Variants in KCNIP4 observed in about 807,000 individuals in gnomAD.
KCNIP4 encodes the protein Kv channel-interacting protein 4.
In KCNIP4, 12 loss-of-function variants were observed where a neutral mutation model predicts 34.0. The observed-to-expected ratio is 0.35, with a 90% CI of 0.23 to 0.57. The LOEUF (loss-of-function observed/expected upper bound fraction) is 0.57. Among genes scored for constraint, KCNIP4 ranks in the 20% least tolerant of loss-of-function variants. The pLI is 0.83. For missense variants in KCNIP4, 238 were observed against 311.7 expected (o/e 0.76, Z 1.78); for synonymous variants, 124 against 102.2 (o/e 1.21, Z -1.29).
intron 1 of KCNIP4, among the ~76,000 whole-genome samples, chr4:21,462,730 T>C (rs931260788): frequency 7.3e-6 from 1 of 136,826 alleles, no homozygotes; most frequent in Admixed American, 7.3e-5. Context: ...ACAAATGATA[T>C]AGGATTTTAT....
intron 1 of KCNIP4, among the ~76,000 whole-genome samples, chr4:21,172,956 C>T (rs1754121955): frequency 6.6e-6 from 1 of 152,128 alleles, no homozygotes; most frequent in Non-Finnish European, 1.5e-5. Flanking sequence ...CAACCTCATC[C>T]CCAGGACTGC....
At chr4:21,834,720 G>C (rs1723210875) in intron 1 of KCNIP4, among the ~76,000 whole-genome samples, 1 of 151,648 alleles carries the variant, frequency 6.6e-6, no homozygotes, top group Non-Finnish European at 1.5e-5. Flanking sequence ...TATGATATTG[G>C]CTGTGGGTTT....
At chr4:21,290,656 C>T (rs532452135) in intron 1 of KCNIP4, among the ~76,000 whole-genome samples, 1 of 152,250 alleles carries the variant, frequency 6.6e-6, no homozygotes, top group Non-Finnish European at 1.5e-5. Context: ...GCAAATGAAA[C>T]AAGGCTCTTG....
intron 1 of KCNIP4, among the ~76,000 whole-genome samples, chr4:21,262,980 T>C (rs1200457625): frequency 6.6e-6 from 1 of 152,178 alleles, no homozygotes; most frequent in East Asian, 1.9e-4. Flanking sequence ...TAAGAGTGAA[T>C]GAATAAATAA....
intron 1 of KCNIP4, chr4:20,916,414 C>T: frequency 1.2e-6 from 1 of 857,428 alleles, no homozygotes; most frequent in Non-Finnish European, 1.4e-6. Flanking sequence ...TAGCTTTATG[C>T]ACTAATAGAA....
At chr4:20,859,506 CTG>C (rs1721966076) in intron 2 of KCNIP4, among the ~76,000 whole-genome samples, 1 of 152,178 alleles carries the variant, frequency 6.6e-6, no homozygotes, top group African/African-American at 2.4e-5. Flanking sequence ...AGCTTCCTGG[CTG>C]TGTCTTTTTG....
At chr4:21,395,053 AACAC>A (rs1282535633) in intron 1 of KCNIP4, among the ~76,000 whole-genome samples, 1 of 152,178 alleles carries the variant, frequency 6.6e-6, no homozygotes, top group Non-Finnish European at 1.5e-5. Context: ...TAGAAAACTT[AACAC>A]GTGTGGGGAC....
intron 1 of KCNIP4, among the ~76,000 whole-genome samples, chr4:21,036,188 T>C (rs1376749566): frequency 6.6e-6 from 1 of 152,240 alleles, no homozygotes; most frequent in East Asian, 1.9e-4. Flanking sequence ...ACATATACTG[T>C]ATTACATATG....
chr4:21,238,011 C>T (rs1286163167), intron 1 of KCNIP4, among the ~76,000 whole-genome samples: 5 of 152,128 alleles, frequency 3.3e-5, no homozygotes, highest in African/African-American at 1.2e-4. Context: ...TCCAGCAGCA[C>T]ATCAAAAAGC....
chr4:21,496,932 G>C (rs1443441176), intron 1 of KCNIP4, among the ~76,000 whole-genome samples: 2 of 152,124 alleles, frequency 1.3e-5, no homozygotes, highest in African/African-American at 2.4e-5. Flanking sequence ...CACGAAACTG[G>C]TCCCTAGTGC....
chr4:21,337,537 T>C (rs1161777071), intron 1 of KCNIP4, among the ~76,000 whole-genome samples: 1 of 152,180 alleles, frequency 6.6e-6, no homozygotes, highest in African/African-American at 2.4e-5. Context: ...AAAGATTCAT[T>C]ATTTTATAGT....
chr4:20,947,139 G>A (rs1369868183), intron 1 of KCNIP4, among the ~76,000 whole-genome samples: 1 of 151,944 alleles, frequency 6.6e-6, no homozygotes, highest in Non-Finnish European at 1.5e-5. Flanking sequence ...ACGTGACTTT[G>A]CCTGATATTC....
chr4:21,527,050 G>T (rs1191389687), intron 1 of KCNIP4, among the ~76,000 whole-genome samples: 4 of 152,138 alleles, frequency 2.6e-5, no homozygotes, highest in African/African-American at 9.7e-5. Flanking sequence ...TAAGAGGAAA[G>T]AATTTGGCTT....
intron 1 of KCNIP4, among the ~76,000 whole-genome samples, chr4:21,790,604 G>GAA (rs34307723): frequency 0.1 from 15,273 of 150,048 alleles, 2,617 homozygotes; most frequent in African/African-American, 0.35. Flanking sequence ...AACACATTAA[G>GAA]AAAAAAAAAG....
At chr4:20,980,709 T>C (rs1735981561) in intron 1 of KCNIP4, among the ~76,000 whole-genome samples, 1 of 152,064 alleles carries the variant, frequency 6.6e-6, no homozygotes, top group Non-Finnish European at 1.5e-5. Flanking sequence ...ATGGTACCAT[T>C]GAGGTATCAC....
intron 1 of KCNIP4, among the ~76,000 whole-genome samples, chr4:21,505,904 G>A (rs575528617): frequency 5.3e-5 from 8 of 151,996 alleles, no homozygotes; most frequent in Non-Finnish European, 1.2e-4. Flanking sequence ...GGAGTTCAAG[G>A]CCAGCCTGGC....
chr4:21,548,114 T>G lies in KCNIP4; in HGVS notation c.61+400457A>C, dbSNP rs150897322. Among the ~76,000 whole-genome samples the G allele has an allele frequency of 1.4e-4, 22 of 152,220 alleles. No individual in the cohort carries two copies. In the East Asian group the frequency reaches 4.2e-3, roughly 29 times the overall value. On this transcript the variant is annotated intron_variant, in intron 1 of 8. Transcript: ENST00000382152. ...TATTGTTAATGCAGTGAAAACATAA[T>G]ATGTTCAGGGTAACCAAGGAGCACA...
chr4:21,110,971 G>A (rs1749114044), intron 1 of KCNIP4, among the ~76,000 whole-genome samples: 1 of 152,154 alleles, frequency 6.6e-6, no homozygotes, highest in South Asian at 2.1e-4. Flanking sequence ...AGGCTTCTTG[G>A]TTGTTAAAGA....
intron 5 of KCNIP4, among the ~76,000 whole-genome samples, chr4:20,738,810 G>A (rs566447144): frequency 1.6e-4 from 25 of 152,270 alleles, no homozygotes; most frequent in East Asian, 1.5e-3. Context: ...CCCAGGAAGC[G>A]CAAGGGGTTG....
Sources: gnomAD v4.1 joint callset for allele counts (sites outside exome capture counted in the v4.1 genomes callset) on GRCh38, gnomAD v4.1.1 for gene constraint, MANE v1.5 for transcripts, NCBI Gene and HGNC (gene_info 2026-07-23, HGNC 2026-07-21) for gene names.